ICA1: variants seen among roughly 807,000 people sequenced by gnomAD.
ICA1 encodes the protein 69 kDa islet cell autoantigen.
In ICA1, 40 loss-of-function variants were observed where a neutral mutation model predicts 71.0. The observed-to-expected ratio is 0.56, with a 90% confidence interval of 0.44 to 0.73. The LOEUF (loss-of-function observed/expected upper bound fraction) is 0.73. Among genes scored for constraint, ICA1 ranks in the 30% least tolerant of loss-of-function variants. ICA1 has a pLI of 0.00. For synonymous variants in ICA1, 207 were observed against 209.5 expected (o/e 0.99, Z 0.10); for missense variants, 578 against 576.5 (o/e 1.00, Z -0.03).
At chr7:8,233,897 G>A (rs940784450) in intron 2 of ICA1, among the ~76,000 whole-genome samples, 1 of 152,186 alleles carries the variant, frequency 6.6e-6, no homozygotes, top group African/African-American at 2.4e-5. Flanking sequence ...GAGGATCACA[G>A]TGAAGAGCAA....
At chr7:8,192,282 G>A (rs1284090214) in intron 6 of ICA1, among the ~76,000 whole-genome samples, 1 of 152,122 alleles carries the variant, frequency 6.6e-6, no homozygotes, top group African/African-American at 2.4e-5. Context: ...TTTAATCTGG[G>A]AAGTTCCTGG....
At chr7:8,118,582 C>T (rs1012823578) in intron 13 of ICA1, among the ~76,000 whole-genome samples, 1 of 152,082 alleles carries the variant, frequency 6.6e-6, no homozygotes, top group Non-Finnish European at 1.5e-5. Flanking sequence ...AGAAAATTGG[C>T]CCCTGACCAT....
chr7:8,231,851 C>A (rs950353551), intron 3 of ICA1, among the ~76,000 whole-genome samples: 2 of 152,116 alleles, frequency 1.3e-5, no homozygotes, highest in Non-Finnish European at 2.9e-5. Context: ...CTGGACACTC[C>A]GAAAACTTTT....
intron 1 of ICA1, among the ~76,000 whole-genome samples, chr7:8,246,410 G>A (rs1806042642): frequency 6.6e-6 from 1 of 152,200 alleles, no homozygotes. Flanking sequence ...AGTTGGTGAG[G>A]AGGAGGCTCT....
At chr7:8,129,376 T>A (rs1326772739) in intron 12 of ICA1, among the ~76,000 whole-genome samples, 11 of 142,070 alleles carry the variant, frequency 7.7e-5, no homozygotes, top group Non-Finnish European at 1.4e-4. Context: ...GCTTTTTTTT[T>A]AAAAAAAAAA....
intron 1 of ICA1, among the ~76,000 whole-genome samples, chr7:8,251,821 T>C (rs1583859066): frequency 6.6e-6 from 1 of 152,204 alleles, no homozygotes; most frequent in Non-Finnish European, 1.5e-5. Context: ...TTTTAAATAT[T>C]ATATCCATGT....
chr7:8,244,713 A>G (rs1805304392), intron 1 of ICA1, among the ~76,000 whole-genome samples: 2 of 152,242 alleles, frequency 1.3e-5, no homozygotes, highest in Non-Finnish European at 2.9e-5. Context: ...AATTTACAAG[A>G]AAAAAGCAAA....
chr7:8,228,063 G>C (rs1203191433), intron 4 of ICA1, among the ~76,000 whole-genome samples: 1 of 152,116 alleles, frequency 6.6e-6, no homozygotes, highest in Non-Finnish European at 1.5e-5. Context: ...ACTTAAAAAT[G>C]TACAAACACA....
chr7:8,236,141 C>A (rs1380366863), intron 1 of ICA1, 136 bp from the exon 2 acceptor site: 7 of 496,012 alleles, frequency 1.4e-5, no homozygotes, highest in Admixed American at 7.4e-5. Context: ...AGTAATGCTG[C>A]ACACTGGTGA....
At chr7:8,163,807 G>A (rs1804813202) in intron 6 of ICA1, among the ~76,000 whole-genome samples, 1 of 152,160 alleles carries the variant, frequency 6.6e-6, no homozygotes, top group Non-Finnish European at 1.5e-5. Context: ...CGAGCAGGAG[G>A]GTGGGATGAG....
chr7:8,238,008 C>G (rs575392400), intron 1 of ICA1, among the ~76,000 whole-genome samples: 2 of 152,100 alleles, frequency 1.3e-5, no homozygotes, highest in Admixed American at 1.3e-4. Context: ...ATACACAGGT[C>G]CAGAATAACA....
intron 1 of ICA1, among the ~76,000 whole-genome samples, chr7:8,238,881 A>G (rs1327783451): frequency 6.6e-6 from 1 of 152,006 alleles, no homozygotes; most frequent in Non-Finnish European, 1.5e-5. Flanking sequence ...CCTAGACCCC[A>G]CTCCTTTCCT....
In ICA1 at chr7:8,128,103, C is replaced by G; in HGVS notation, c.1100G>C (p.Gly367Ala). ...CAGCAGCAGGTCATCTTTGTCAGCACCTTCAGGTTCCGGGGTCCCTGCCAC... is the reference window on the plus strand; with the variant it reads ...CAGCAGCAGGTCATCTTTGTCAGCAGCTTCAGGTTCCGGGGTCCCTGCCAC... Reference protein sequence around the residue: ...GPVAGTPEPEGADKDDLLLLS... With the variant: ...GPVAGTPEPEAADKDDLLLLS... The change falls in exon 13 of 14, where the codon GGT (glycine) becomes GCT (alanine). Residue 367 changes from glycine (G) to alanine (A), a missense_variant. By Grantham distance (60) the Gly-to-Ala change is moderately conservative. Coordinates refer to ENST00000402384, the MANE Select transcript of ICA1 (RefSeq NM_001136020.3). The G allele has an allele frequency of 6.2e-7, 1 of 1,614,210 alleles. No homozygotes were observed. Among genetic ancestry groups the G allele is most frequent in the Non-Finnish European group, 8.5e-7 (1 of 1,180,036 alleles).
At chr7:8,141,593 G>A (rs1251492016) in intron 10 of ICA1, among the ~76,000 whole-genome samples, 172 bp downstream of exon 10, 2 of 152,188 alleles carry the variant, frequency 1.3e-5, no homozygotes, top group Admixed American at 6.5e-5. Flanking sequence ...CTGTAGGGTT[G>A]ACATGGTGGA....
At chr7:8,114,860 T>C (rs893277315) in intron 13 of ICA1, 3 of 152,230 alleles carry the variant, frequency 2.0e-5, no homozygotes, top group Non-Finnish European at 4.4e-5. Context: ...TGACCTGTGT[T>C]TTTTTCTTCT....
At chr7:8,238,834 T>G (rs1802719874) in intron 1 of ICA1, among the ~76,000 whole-genome samples, 1 of 152,190 alleles carries the variant, frequency 6.6e-6, no homozygotes, top group African/African-American at 2.4e-5. Context: ...AACAGCCACT[T>G]GCATTGAAAT....
chr7:8,244,648 C>T (rs1000990745), intron 1 of ICA1, among the ~76,000 whole-genome samples: 2 of 152,144 alleles, frequency 1.3e-5, no homozygotes, highest in African/African-American at 4.8e-5. Context: ...AAAATTTTTG[C>T]AATCTACCCA....
chr7:8,252,989 G>C (rs548890220), intron 1 of ICA1, among the ~76,000 whole-genome samples: 3 of 152,058 alleles, frequency 2.0e-5, no homozygotes, highest in Non-Finnish European at 4.4e-5. Context: ...GGAATTATAA[G>C]CATGGCACAC....
At position 8,184,600 on chromosome 7, in the gene ICA1, T is replaced by C. The variant is rs527404452; in HGVS notation, c.580-25948A>G. On this transcript the variant is annotated intron_variant, in intron 6 of 13. Coordinates refer to ENST00000402384, the MANE Select transcript of ICA1 (RefSeq NM_001136020.3). ...CTAGGCCACTTAAAAATAATCCCTT[T>C]AGAATACACTTAGGTTTGAGAGAAT... 2.0e-5 allele frequency among the ~76,000 whole-genome samples: 3 copies of C among 152,300 alleles called. No homozygotes were observed. The East Asian group carries it at 5.8e-4, about 29-fold the overall frequency.
Sources: gnomAD v4.1 joint callset for allele counts (sites outside exome capture counted in the v4.1 genomes callset) on GRCh38, gnomAD v4.1.1 for gene constraint, MANE v1.5 for transcripts, NCBI Gene and HGNC (gene_info 2026-07-23, HGNC 2026-07-21) for gene names.